The following RGL1 variants were observed in gnomAD, a reference collection of about 807,000 sequenced individuals.
RGL1 encodes the protein ral guanine nucleotide dissociation stimulator like 1.
In RGL1, 24 loss-of-function variants were observed where a neutral mutation model predicts 95.2. The observed-to-expected ratio is 0.25, with a 90% confidence interval of 0.18 to 0.35. The LOEUF (loss-of-function observed/expected upper bound fraction) is 0.35. Ranked by LOEUF, RGL1 falls within the 10% of genes least tolerant of loss-of-function variation. The pLI, the probability that RGL1 is intolerant of heterozygous loss-of-function variation, is 1.00. For missense variants in RGL1, 715 were observed against 936.3 expected (o/e 0.76, Z 3.08); for synonymous variants, 329 against 344.9 (o/e 0.95, Z 0.51).
chr1:183,875,249 A>G (rs1666420456), intron 4 of RGL1, among the ~76,000 whole-genome samples: 1 of 152,188 alleles, frequency 6.6e-6, no homozygotes, highest in Admixed American at 6.5e-5. Flanking sequence ...CGGTAATCCT[A>G]TTTCTTGGCT....
intron 1 of RGL1, among the ~76,000 whole-genome samples, chr1:183,656,700 G>A (rs76628322): frequency 0.077 from 11,643 of 152,168 alleles, 843 homozygotes; most frequent in African/African-American, 0.19. Flanking sequence ...TCCTTGCTCA[G>A]TTAAACTCTG....
At chr1:183,637,167 A>C (rs1649600902) in intron 1 of RGL1, among the ~76,000 whole-genome samples, 1 of 152,270 alleles carries the variant, frequency 6.6e-6, no homozygotes, top group Non-Finnish European at 1.5e-5. Flanking sequence ...TTAGGATTAT[A>C]TATCACGAAA....
chr1:183,913,822 A>G (rs138047769), intron 15 of RGL1, among the ~76,000 whole-genome samples: 1 of 152,340 alleles, frequency 6.6e-6, no homozygotes, highest in African/African-American at 2.4e-5. Flanking sequence ...CATATTCAGG[A>G]TTCATCAAAC....
At chr1:183,766,598 A>C (rs926227286) in intron 2 of RGL1, among the ~76,000 whole-genome samples, 1 of 152,198 alleles carries the variant, frequency 6.6e-6, no homozygotes, top group Admixed American at 6.5e-5. Context: ...ATCCACTCCC[A>C]TCTACTTTTC....
At chr1:183,904,378 T>C (rs1378716866) in intron 12 of RGL1, among the ~76,000 whole-genome samples, 1 of 152,136 alleles carries the variant, frequency 6.6e-6, no homozygotes, top group African/African-American at 2.4e-5. Context: ...GGGGTAAAGG[T>C]TGAGGAAGAT....
chr1:183,756,716 A>G (rs932226087), intron 2 of RGL1, among the ~76,000 whole-genome samples: 6 of 152,088 alleles, frequency 3.9e-5, no homozygotes, highest in African/African-American at 1.2e-4. Flanking sequence ...TTCCTCTCCA[A>G]CTAGACTGTC....
intron 3 of RGL1, among the ~76,000 whole-genome samples, chr1:183,855,033 T>A (rs192314744): frequency 2.6e-5 from 4 of 152,320 alleles, no homozygotes; most frequent in Non-Finnish European, 1.5e-5. Context: ...TCAGAGACCA[T>A]GTTAGTCTTG....
intron 1 of RGL1, among the ~76,000 whole-genome samples, chr1:183,678,479 A>G (rs1232934723): frequency 6.6e-6 from 1 of 152,230 alleles, no homozygotes; most frequent in East Asian, 1.9e-4. Context: ...AGTAGGCACT[A>G]TAATGGAATA....
intron 2 of RGL1, among the ~76,000 whole-genome samples, chr1:183,773,184 A>C (rs1227862688): frequency 6.6e-6 from 1 of 151,414 alleles, no homozygotes; most frequent in East Asian, 2.0e-4. Context: ...TGCCCTTATC[A>C]TTTTTTTCCT....
At chr1:183,669,293 C>T (rs887980892) in intron 1 of RGL1, among the ~76,000 whole-genome samples, 1 of 152,170 alleles carries the variant, frequency 6.6e-6, no homozygotes, top group Non-Finnish European at 1.5e-5. Flanking sequence ...ATGGGTTCAT[C>T]AAAGGCATTC....
chr1:183,849,482 A>ATTT (rs150367802), intron 3 of RGL1, among the ~76,000 whole-genome samples: 5 of 99,398 alleles, frequency 5.0e-5, no homozygotes, highest in African/African-American at 1.1e-4. Context: ...TCCAGTTTTT[A>ATTT]GTTTTTTTTT....
At chr1:183,804,654 C>T (rs891861189), upstream of RGL1, among the ~76,000 whole-genome samples, 7 of 152,200 alleles carry the variant, frequency 4.6e-5, no homozygotes, top group Non-Finnish European at 8.8e-5. Flanking sequence ...TGTGCTGATG[C>T]AGGAGAGGGT....
intron 2 of RGL1, among the ~76,000 whole-genome samples, chr1:183,781,147 C>T (rs186754057): frequency 1.1e-4 from 17 of 152,322 alleles, no homozygotes; most frequent in African/African-American, 3.6e-4. Flanking sequence ...ATCAAAATCT[C>T]TTTTCTGAAG....
chr1:183,869,908 C>T (rs77691401), intron 4 of RGL1, among the ~76,000 whole-genome samples: 7,138 of 152,286 alleles, frequency 0.047, 241 homozygotes, highest in Non-Finnish European at 0.071. Flanking sequence ...TGGTTCTCAA[C>T]AGGGCGATTG....
chr1:183,766,236 A>C (rs1658958434), intron 2 of RGL1, among the ~76,000 whole-genome samples: 1 of 152,106 alleles, frequency 6.6e-6, no homozygotes, highest in Non-Finnish European at 1.5e-5. Flanking sequence ...TACCACTAGA[A>C]TCTTCAAACC....
intron 1 of RGL1, among the ~76,000 whole-genome samples, chr1:183,637,577 A>C (rs1049310114): frequency 1.3e-5 from 2 of 152,230 alleles, no homozygotes; most frequent in Non-Finnish European, 2.9e-5. Context: ...TTATCTATGC[A>C]GTATATTATA....
chr1:183,859,102 CT>C (rs1228025619), intron 3 of RGL1, among the ~76,000 whole-genome samples: 1 of 152,192 alleles, frequency 6.6e-6, no homozygotes, highest in Non-Finnish European at 1.5e-5. Context: ...CCAGTTTCTT[CT>C]GTTGTCCGTC....
intron 1 of RGL1, among the ~76,000 whole-genome samples, chr1:183,700,627 C>A (rs1296013636): frequency 6.7e-6 from 1 of 149,336 alleles, no homozygotes; most frequent in Non-Finnish European, 1.5e-5. Context: ...CTCACTGCAA[C>A]CTCTGCCTCC....
intron 1 of RGL1, among the ~76,000 whole-genome samples, chr1:183,694,592 T>G (rs1405549189): frequency 6.6e-6 from 1 of 152,210 alleles, no homozygotes; most frequent in African/African-American, 2.4e-5. Context: ...TGCAGTATGT[T>G]GCTGGTGGTA....
Sources: gnomAD v4.1 joint callset for allele counts (sites outside exome capture counted in the v4.1 genomes callset) on GRCh38, gnomAD v4.1.1 for gene constraint, MANE v1.5 for transcripts, NCBI Gene and HGNC (gene_info 2026-07-23, HGNC 2026-07-21) for gene names.